HTR4: variants seen among roughly 807,000 people sequenced by gnomAD.
The protein encoded by HTR4 is 5-hydroxytryptamine (serotonin) receptor 4, G protein-coupled.
HTR4 carries 16 observed loss-of-function variants against 36.8 expected under a neutral mutation model. The observed-to-expected ratio is 0.43, with a 90% CI of 0.29 to 0.66. The LOEUF is 0.66. Among genes scored for constraint, HTR4 ranks in the 30% least tolerant of loss-of-function variants. HTR4 has a pLI of 0.13. For missense variants in HTR4, 438 were observed against 490.9 expected (o/e 0.89, Z 1.02); for synonymous variants, 189 against 185.1 (o/e 1.02, Z -0.17).
chr5:148,532,600 G>A (rs1485514912), intron 4 of HTR4, among the ~76,000 whole-genome samples: 1 of 152,210 alleles, frequency 6.6e-6, no homozygotes, highest in Non-Finnish European at 1.5e-5. Flanking sequence ...GGAGGAGAAA[G>A]TGTAATCTAG....
intron 2 of HTR4, among the ~76,000 whole-genome samples, chr5:148,569,505 C>T (rs1760588593): frequency 6.6e-6 from 1 of 151,894 alleles, no homozygotes; most frequent in African/African-American, 2.4e-5. Flanking sequence ...TATCCTGGAA[C>T]TTAAAATAAT....
At chr5:148,457,006 AAACCTT>A (rs2113687604) in intron 5 of HTR4, among the ~76,000 whole-genome samples, 1 of 152,346 alleles carries the variant, frequency 6.6e-6, no homozygotes, top group African/African-American at 2.4e-5. Flanking sequence ...AGAGCTAAGG[AAACCTT>A]AACCCTGTGA....
At position 148,636,632 on chromosome 5, in the gene HTR4, C is replaced by T. The variant is rs116889155; in HGVS notation, c.26+357G>A. Reference sequence around the variant, plus strand: ...AACTAGAACCTGCTATAAAAAGCAACGTGAATTTGTCTCAAGTTTAGATAT... The same window carrying T: ...AACTAGAACCTGCTATAAAAAGCAATGTGAATTTGTCTCAAGTTTAGATAT... On this transcript the variant is annotated intron_variant, in intron 2 of 6. Coordinates refer to ENST00000377888, the MANE Select transcript of HTR4 (RefSeq NM_000870.7). Among the ~76,000 whole-genome samples the T allele has an allele frequency of 3.4e-3, 510 of 152,202 alleles. 6 individuals carry two copies. The highest frequency in any genetic ancestry group is 0.022 in the East Asian group (116 of 5,188).
intron 5 of HTR4, among the ~76,000 whole-genome samples, chr5:148,452,106 T>TA (rs1297856951): frequency 6.6e-6 from 1 of 152,262 alleles, no homozygotes; most frequent in Admixed American, 6.5e-5. Context: ...TCTCATGACT[T>TA]ACATTGATGC....
chr5:148,597,665 G>A (rs1356417164), intron 2 of HTR4, among the ~76,000 whole-genome samples: 1 of 152,126 alleles, frequency 6.6e-6, no homozygotes, highest in African/African-American at 2.4e-5. Flanking sequence ...TCTAGCCTCT[G>A]CATCGCACCT....
chr5:148,491,023 T>C (rs1469052295), intron 6 of HTR4, among the ~76,000 whole-genome samples: 1 of 152,224 alleles, frequency 6.6e-6, no homozygotes, highest in Non-Finnish European at 1.5e-5. Flanking sequence ...GAAGCTTTTA[T>C]CATTTCCATG....
At chr5:148,490,058 C>T (rs1441902929) in intron 6 of HTR4, among the ~76,000 whole-genome samples, 3 of 151,660 alleles carry the variant, frequency 2.0e-5, no homozygotes, top group African/African-American at 7.3e-5. Context: ...ATCCTAAAAT[C>T]ACCAAAATGT....
chr5:148,451,151 G>A lies in HTR4; in HGVS notation c.*34C>T, dbSNP rs200329789. ...GACCTGTTCATGCAAACATGAATGC[G>A]AATGAATGGCTAAGTTGTGAGCCAT... is the stretch of plus-strand genomic sequence containing the variant. On this transcript the variant is annotated 3_prime_UTR_variant, in exon 6 of 6. Transcript: ENST00000521530. The A allele has an allele frequency of 9.4e-5, 152 of 1,613,078 alleles. No individual in the cohort carries two copies. In the Middle Eastern group the frequency reaches 1.5e-3, roughly 16 times the overall value.
chr5:148,630,586 C>A (rs1234981659), intron 2 of HTR4, among the ~76,000 whole-genome samples: 1 of 152,068 alleles, frequency 6.6e-6, no homozygotes, highest in Admixed American at 6.6e-5. Flanking sequence ...AATAACTGAT[C>A]ATTAAGGTCA....
At chr5:148,597,683 G>T (rs754041330) in intron 2 of HTR4, among the ~76,000 whole-genome samples, 1 of 152,148 alleles carries the variant, frequency 6.6e-6, no homozygotes, top group African/African-American at 2.4e-5. Flanking sequence ...CCTTTCAACT[G>T]TCACTTTCCT....
At chr5:148,641,498 A>G (rs750092941) in intron 1 of HTR4, among the ~76,000 whole-genome samples, 2 of 152,228 alleles carry the variant, frequency 1.3e-5, no homozygotes, top group African/African-American at 2.4e-5. Flanking sequence ...TCTTCTACCA[A>G]TGTGAGGTAC....
At chr5:148,520,584 C>A (rs1258631380) in intron 5 of HTR4, among the ~76,000 whole-genome samples, 1 of 152,162 alleles carries the variant, frequency 6.6e-6, no homozygotes, top group Non-Finnish European at 1.5e-5. Context: ...AGTGAATAAT[C>A]TCCCTGATCC....
intron 2 of HTR4, chr5:148,629,594 C>T (rs1032614612): frequency 6.6e-5 from 10 of 152,220 alleles, no homozygotes; most frequent in African/African-American, 2.4e-4. Flanking sequence ...AAAACAAAGT[C>T]AGGACACTTG....
chr5:148,584,884 A>G (rs1279904929), intron 2 of HTR4, among the ~76,000 whole-genome samples: 1 of 152,198 alleles, frequency 6.6e-6, no homozygotes, highest in Non-Finnish European at 1.5e-5. Flanking sequence ...TGGAAGCCAT[A>G]CACAGAGACA....
downstream of HTR4, among the ~76,000 whole-genome samples, chr5:148,472,057 T>C (rs1178873105): frequency 6.6e-5 from 10 of 152,198 alleles, no homozygotes; most frequent in Non-Finnish European, 1.3e-4. Flanking sequence ...CCCACTGGCA[T>C]AGGTGTCTGG....
At chr5:148,637,296 G>T (rs1753579989) in intron 1 of HTR4, among the ~76,000 whole-genome samples, 1 of 152,116 alleles carries the variant, frequency 6.6e-6, no homozygotes, top group African/African-American at 2.4e-5. Flanking sequence ...ACATATGGGT[G>T]CTTCTTTTTG....
In HTR4 at chr5:148,580,609, C is replaced by T. The variant is rs116012912; in HGVS notation, c.27-30347G>A. Reference sequence around the variant, plus strand: ...ACTGTTTTAGATGCCTCATTTAAAACGAAACATACAATATTTGTCTTTCCG... The same window carrying T: ...ACTGTTTTAGATGCCTCATTTAAAATGAAACATACAATATTTGTCTTTCCG... On this transcript the variant is annotated intron_variant, in intron 2 of 6. Transcript: ENST00000377888. Among the ~76,000 whole-genome samples the T allele has an allele frequency of 8.4e-3, 1,282 of 152,178 alleles. 14 individuals are homozygous for T. The highest frequency in any genetic ancestry group is 0.029 in the African/African-American group (1,187 of 41,542).
intron 5 of HTR4, among the ~76,000 whole-genome samples, chr5:148,521,895 T>C (rs1437786660): frequency 6.6e-6 from 1 of 152,090 alleles, no homozygotes; most frequent in Non-Finnish European, 1.5e-5. Flanking sequence ...CCACATGACA[T>C]ATTTTCTTCA....
rs898616159 is a variant in HTR4, at chr5:148,550,178, G to T, written c.111C>A (p.Asn37Lys). The part of the protein sequence containing the change: ...STVILMAILG[N>K]LLVMVAVCWD... ...AGCACACAGCCACCATCACCAGCAG[G>T]TTCCCCAAGATGGCCATCAGGATAA... The change falls in exon 3 of 7, where the codon AAC becomes AAA. Residue 37 changes from asparagine to lysine, a missense_variant. Transcript: ENST00000377888. 1.9e-6 allele frequency: 3 copies of T among 1,614,034 alleles called. No homozygotes were observed. The highest frequency in any genetic ancestry group is 2.5e-6 in the Non-Finnish European group (3 of 1,180,010).
Sources: allele counts gnomAD v4.1 joint callset (sites outside exome capture counted in the v4.1 genomes callset), GRCh38; gene constraint gnomAD v4.1.1; transcripts MANE v1.5; gene names NCBI Gene and HGNC (gene_info 2026-07-23, HGNC 2026-07-21).